Variants in LMO1 observed in about 807,000 individuals in gnomAD.
The protein encoded by LMO1 is rhombotin-1.
LMO1 carries 10 observed loss-of-function variants against 18.0 expected under a neutral mutation model. The observed-to-expected ratio is 0.55, with a 90% CI of 0.34 to 0.94. The LOEUF is 0.94. LMO1 is among the 40% of genes least tolerant of loss of function. LMO1 has a pLI of 0.02. For missense variants in LMO1, 183 were observed against 205.7 expected, an observed-to-expected ratio of 0.89 and a Z score of 0.68; for synonymous variants, 77 against 77.9, an observed-to-expected ratio of 0.99 and a Z score of 0.06.
chr11:8,263,147 C>A (rs1296161300), intron 1 of LMO1, among the ~76,000 whole-genome samples, 191 bp downstream of exon 1: 3 of 151,428 alleles, frequency 2.0e-5, no homozygotes, highest in African/African-American at 7.3e-5. Context: ...CGACCTCCTC[C>A]CCCCGCAAGT....
chr11:8,259,291 G>GCTT (rs1426248788), intron 1 of LMO1, among the ~76,000 whole-genome samples: 1 of 152,190 alleles, frequency 6.6e-6, no homozygotes, highest in Non-Finnish European at 1.5e-5. Flanking sequence ...AGAAGCACCT[G>GCTT]CTTCTTCACC....
intron 1 of LMO1, among the ~76,000 whole-genome samples, chr11:8,236,165 G>C (rs1952758050): frequency 6.6e-6 from 1 of 151,938 alleles, no homozygotes; most frequent in Non-Finnish European, 1.5e-5. Context: ...GCTCTGGAAA[G>C]AGCCCTGGAG....
chr11:8,249,558 C>T (rs977652979), intron 1 of LMO1, among the ~76,000 whole-genome samples: 1 of 152,286 alleles, frequency 6.6e-6, no homozygotes, highest in Non-Finnish European at 1.5e-5. Flanking sequence ...TGTCATACCC[C>T]GAACCTCAGC....
chr11:8,225,133 G>A (rs1443667016), intron 3 of LMO1, among the ~76,000 whole-genome samples: 1 of 151,732 alleles, frequency 6.6e-6, no homozygotes, highest in Non-Finnish European at 1.5e-5. Flanking sequence ...CAGAGATGGG[G>A]CCGGGTGTGG....
chr11:8,245,127 G>T (rs1197252050), intron 1 of LMO1, among the ~76,000 whole-genome samples: 1 of 152,188 alleles, frequency 6.6e-6, no homozygotes, highest in Admixed American at 6.5e-5. Flanking sequence ...GGAAACTGAG[G>T]CTCAGAGAGG....
chr11:8,253,814 C>T (rs961697791), intron 1 of LMO1, among the ~76,000 whole-genome samples: 11 of 151,982 alleles, frequency 7.2e-5, no homozygotes, highest in African/African-American at 2.2e-4. Flanking sequence ...TTTTCCCCGC[C>T]GAGACTCAGA....
chr11:8,230,635 C>CCCAAA, intron 1 of LMO1, 131 bp from the exon 2 acceptor site: 1 of 902,648 alleles, frequency 1.1e-6, no homozygotes, highest in Non-Finnish European at 1.7e-6. Context: ...TCCCAGGAGC[C>CCCAAA]CTCGCTTTCT....
chr11:8,253,676 A>G (rs911365015), intron 1 of LMO1, among the ~76,000 whole-genome samples: 1 of 152,136 alleles, frequency 6.6e-6, no homozygotes, highest in Non-Finnish European at 1.5e-5. Context: ...GCAGGACTGT[A>G]GGAGCCCAGG....
chr11:8,251,805 TGA>T (rs1846999629), intron 1 of LMO1, among the ~76,000 whole-genome samples: 1 of 150,462 alleles, frequency 6.6e-6, no homozygotes, highest in Non-Finnish European at 1.5e-5. Context: ...AGTGCGTGTG[TGA>T]GTGTGTGTGA....
chr11:8,237,942 GA>G (rs1460658814), intron 1 of LMO1, among the ~76,000 whole-genome samples: 1 of 152,210 alleles, frequency 6.6e-6, no homozygotes, highest in Non-Finnish European at 1.5e-5. Flanking sequence ...TTAAAGGATT[GA>G]GGATTAAATT....
At chr11:8,235,112 C>G (rs1172360839) in intron 1 of LMO1, among the ~76,000 whole-genome samples, 1 of 151,768 alleles carries the variant, frequency 6.6e-6, no homozygotes, top group African/African-American at 2.4e-5. Context: ...GCCCAGGGCA[C>G]AGTGAACAGG....
chr11:8,245,701 C>CT (rs1334038001), intron 1 of LMO1, among the ~76,000 whole-genome samples: 2 of 152,254 alleles, frequency 1.3e-5, no homozygotes, highest in African/African-American at 4.8e-5. Context: ...CACTCATGTA[C>CT]TATTCATTTG....
intron 1 of LMO1, 60 bp downstream of exon 1, chr11:8,263,278 T>G: frequency 6.4e-7 from 1 of 1,552,370 alleles, no homozygotes; most frequent in Non-Finnish European, 8.7e-7. Context: ...TGTGTGTGCC[T>G]GCGCGCCGCG....
intron 1 of LMO1, among the ~76,000 whole-genome samples, chr11:8,231,727 C>T (rs1250985391): frequency 6.6e-5 from 10 of 152,138 alleles, no homozygotes; most frequent in Admixed American, 6.5e-4. Context: ...TGGCCCCGTC[C>T]TCTCCAAAGG....
intron 1 of LMO1, among the ~76,000 whole-genome samples, chr11:8,245,304 T>A (rs1402417317): frequency 2.0e-5 from 3 of 152,166 alleles, no homozygotes; most frequent in African/African-American, 7.2e-5. Context: ...TGGACTCTGG[T>A]GAGCCTGGGT....
chr11:8,230,629 A>G, intron 1 of LMO1, 125 bp from the exon 2 acceptor site: 1 of 976,312 alleles, frequency 1.0e-6, no homozygotes, highest in Non-Finnish European at 1.5e-6. Flanking sequence ...TGGGGCTCCC[A>G]GGAGCCCTCG....
chr11:8,258,474 C>T (rs1449419330), intron 1 of LMO1, among the ~76,000 whole-genome samples: 1 of 152,240 alleles, frequency 6.6e-6, no homozygotes, highest in Non-Finnish European at 1.5e-5. Flanking sequence ...GGCAGCTTCG[C>T]CCTGGGCCAT....
intron 1 of LMO1, among the ~76,000 whole-genome samples, chr11:8,234,564 C>T (rs942411892): frequency 1.3e-5 from 2 of 152,132 alleles, no homozygotes; most frequent in East Asian, 1.9e-4. Context: ...CCCCAGTGAG[C>T]TCCTCCAAGG....
intron 2 of LMO1, 96 bp from the exon 3 acceptor site, chr11:8,227,196 T>G (rs2134512558): frequency 6.6e-7 from 1 of 1,525,288 alleles, no homozygotes; most frequent in African/African-American, 1.4e-5. Flanking sequence ...CTTCCCATAC[T>G]CCAACTTGTG....
Sources: gnomAD v4.1 joint callset for allele counts (sites outside exome capture counted in the v4.1 genomes callset) on GRCh38, gnomAD v4.1.1 for gene constraint, MANE v1.5 for transcripts, NCBI Gene and HGNC (gene_info 2026-07-23, HGNC 2026-07-21) for gene names.